The following BFAR variants were observed in gnomAD, a reference collection of about 807,000 sequenced individuals.
The protein encoded by BFAR is RING finger protein 47.
Under a neutral mutation model 54.4 loss-of-function variants are expected in BFAR, and 52 were observed. The ratio of observed to expected loss-of-function variants is 0.96; its 90% CI spans 0.77 to 1.21. The LOEUF (loss-of-function observed/expected upper bound fraction) is 1.21, where lower values mean the gene tolerates loss of function less well. Among genes scored for constraint, BFAR ranks in the 50% most tolerant of loss-of-function variants. BFAR has a pLI of 0.00. For missense variants in BFAR, 571 were observed against 534.0 expected, an observed-to-expected ratio of 1.07 and a Z score of -0.68; for synonymous variants, 215 against 204.3, an observed-to-expected ratio of 1.05 and a Z score of -0.45.
chr16:14,648,650 T>C, intron 3 of BFAR, 58 bp downstream of exon 3: 1 of 1,192,278 alleles, frequency 8.4e-7, no homozygotes, highest in Non-Finnish European at 1.2e-6. Context: ...CGACCCCTGA[T>C]TTCCACTGAA....
At chr16:14,641,089 C>T (rs1959610132) in intron 1 of BFAR, among the ~76,000 whole-genome samples, 1 of 152,192 alleles carries the variant, frequency 6.6e-6, no homozygotes, top group African/African-American at 2.4e-5. Flanking sequence ...GTCATTCTTC[C>T]CATTCGTTTT....
intron 4 of BFAR, among the ~76,000 whole-genome samples, chr16:14,651,889 T>C (rs979272361): frequency 6.8e-6 from 1 of 147,270 alleles, no homozygotes; most frequent in South Asian, 2.2e-4. Context: ...AATTTTTTTT[T>C]TTTTTTTTTT....
chr16:14,665,007 G>C lies in BFAR; in HGVS notation c.1096G>C (p.Ala366Pro). Residue 366 changes from alanine to proline, a missense_variant, in exon 7 of 8, where the codon GCT (alanine) becomes CCT (proline). By Grantham distance (27) the Ala-to-Pro change is conservative. Transcript: ENST00000261658. ...YWTSRFLIIN[A>P]MLLSVLELFS... The stretch of plus-strand genomic sequence containing the variant: ...GACATCACGGTTTCTCATCATCAAT[G>C]CTATGTTACTCTCAGTTCTGGAATT... 2 of 1,614,076 alleles carry C rather than the reference G, an allele frequency of 1.2e-6. No individual in the cohort carries two copies.
At chr16:14,666,669 C>T (rs1246793685) in intron 7 of BFAR, among the ~76,000 whole-genome samples, 2 of 152,162 alleles carry the variant, frequency 1.3e-5, no homozygotes, top group Non-Finnish European at 2.9e-5. Context: ...CATTCTGACT[C>T]GCAGCCTTAT....
At chr16:14,660,354 T>C (rs1960254752) in intron 5 of BFAR, among the ~76,000 whole-genome samples, 1 of 152,092 alleles carries the variant, frequency 6.6e-6, no homozygotes, top group Admixed American at 6.6e-5. Context: ...TGGCAAGATC[T>C]TGGCTCACTG....
chr16:14,646,810 A>G (rs1420639697), intron 2 of BFAR, among the ~76,000 whole-genome samples: 1 of 152,064 alleles, frequency 6.6e-6, no homozygotes, highest in African/African-American at 2.4e-5. Context: ...TTTTTAAAAT[A>G]TTGGAAAATT....
At chr16:14,636,486 A>G (rs1297224199) in intron 1 of BFAR, among the ~76,000 whole-genome samples, 2 of 152,260 alleles carry the variant, frequency 1.3e-5, no homozygotes, top group Non-Finnish European at 2.9e-5. Context: ...AATGCCTTAC[A>G]GAGCGGTATT....
At chr16:14,665,099 C>T (rs1288916079) in intron 7 of BFAR, 28 bp downstream of exon 7, 2 of 1,565,350 alleles carry the variant, frequency 1.3e-6, no homozygotes, top group East Asian at 2.2e-5. Context: ...GTTGTCACAA[C>T]AGGGGATGGG....
chr16:14,649,379 CTTGGTAATACAGTCTTA>C (rs1959900327), intron 3 of BFAR, among the ~76,000 whole-genome samples: 2 of 152,210 alleles, frequency 1.3e-5, no homozygotes, highest in South Asian at 4.1e-4. Flanking sequence ...CCTGGACCTC[CTTGGTAATACAGTCTTA>C]AGAACCCACC....
chr16:14,658,265 A>G (rs182130514), intron 5 of BFAR, among the ~76,000 whole-genome samples: 43 of 152,310 alleles, frequency 2.8e-4, no homozygotes, highest in African/African-American at 1.0e-3. Flanking sequence ...TCGATCAGGT[A>G]TGATGTTTCC....
chr16:14,632,951 C>G lies in BFAR; in HGVS notation c.-141C>G, dbSNP rs529308256. ...TTACTTCCGGTAGCGAAGCCTCTCC[C>G]TCTTCCTCTGCTCCCGCGGGGTCTG... On this transcript the variant is annotated 5_prime_UTR_variant, in exon 1 of 8. Coordinates refer to ENST00000261658, the MANE Select transcript of BFAR (RefSeq NM_016561.3). The G allele has an allele frequency of 5.1e-5, 8 of 155,698 alleles. No individual in the cohort carries two copies. Among genetic ancestry groups the G allele is most frequent in the African/African-American group, 1.9e-4 (8 of 41,460 alleles). 9.6% of individuals were successfully genotyped at this position (155,698 alleles called of 1,614,324 possible). A position where few individuals can be genotyped will look rare whatever the true frequency, so the allele number is the denominator to read the frequency against.
chr16:14,649,961 G>C lies in BFAR; in HGVS notation c.626G>C (p.Arg209Pro). ...SLYRERFLSE[R>P]VNGRLLLTLT... ...TACAGGGAAAGGTTTTTATCTGAAC[G>C]AGTAAATGGAAGGTGAGGAGCAAAG... The change falls in exon 4 of 8, where the codon CGA becomes CCA. Residue 209 changes from arginine (R) to proline (P), a missense_variant. Physicochemically the swap from Arg to Pro is moderately radical, Grantham distance 103. Coordinates refer to ENST00000261658, the MANE Select transcript of BFAR (RefSeq NM_016561.3). 6.2e-7 allele frequency: 1 copy of C among 1,607,682 alleles called. No homozygotes were observed. The highest frequency in any genetic ancestry group is 1.1e-5 in the South Asian group (1 of 90,146).
intron 2 of BFAR, among the ~76,000 whole-genome samples, chr16:14,645,839 A>T (rs1399632750): frequency 6.6e-6 from 1 of 152,096 alleles, no homozygotes; most frequent in African/African-American, 2.4e-5. Flanking sequence ...ATACATATAT[A>T]TACACACACA....
chr16:14,664,524 C>G (rs115011705), intron 6 of BFAR, among the ~76,000 whole-genome samples: 8,840 of 151,578 alleles, frequency 0.058, 293 homozygotes, highest in African/African-American at 0.084. Context: ...TTTTGAGACA[C>G]AGTCTCCCTC....
chr16:14,656,201 C>T (rs1960124454), intron 5 of BFAR, among the ~76,000 whole-genome samples: 1 of 141,998 alleles, frequency 7.0e-6, no homozygotes, highest in Admixed American at 7.0e-5. Context: ...GACTCCGTCC[C>T]AAAAAAAAAA....
intron 5 of BFAR, among the ~76,000 whole-genome samples, chr16:14,661,647 T>C (rs1410076170): frequency 6.6e-6 from 1 of 151,930 alleles, no homozygotes; most frequent in African/African-American, 2.4e-5. Context: ...AAGTGATCCG[T>C]CCACCTCGGC....
At chr16:14,637,711 C>A (rs113129295) in intron 1 of BFAR, among the ~76,000 whole-genome samples, 1 of 151,956 alleles carries the variant, frequency 6.6e-6, no homozygotes, top group Admixed American at 6.6e-5. Context: ...TGCTTGTAAT[C>A]CCAGCTACTC....
chr16:14,634,072 A>G (rs1224777995), intron 1 of BFAR, among the ~76,000 whole-genome samples: 2 of 152,192 alleles, frequency 1.3e-5, no homozygotes, highest in East Asian at 3.8e-4. Flanking sequence ...CGGAAAACAG[A>G]GTGAGAGCCT....
At position 14,654,493 on chromosome 16, in the gene BFAR, C is replaced by CTTT. The variant is rs55673619; in HGVS notation, c.639-550_639-548dup. Among the ~76,000 whole-genome samples, 261 of 89,158 alleles carry CTTT rather than the reference C, an allele frequency of 2.9e-3. 2 individuals are homozygous for CTTT. The highest frequency in any genetic ancestry group is 7.3e-3 in the African/African-American group (153 of 20,894). The allele number at this position is 89,158 out of a possible 152,430, so 58.5% of individuals were successfully genotyped here. A position where few individuals can be genotyped will look rare whatever the true frequency, so the allele number is the denominator to read the frequency against. On this transcript the variant is annotated intron_variant, in intron 4 of 7. Transcript: ENST00000261658. ...ACCTTATTTCTCTAAGTGAGTTTTC[C>CTTT]TTTTTTTTTTTTTTTTTTTTTTTTT...
Sources: allele counts gnomAD v4.1 joint callset (sites outside exome capture counted in the v4.1 genomes callset), GRCh38; gene constraint gnomAD v4.1.1; transcripts MANE v1.5; gene names NCBI Gene and HGNC (gene_info 2026-07-23, HGNC 2026-07-21).